ITGA6: variants seen among roughly 807,000 people sequenced by gnomAD.
The protein encoded by ITGA6 is integrin subunit alpha 6.
In ITGA6, 63 loss-of-function variants were observed where a neutral mutation model predicts 133.6. The observed-to-expected ratio is 0.47, with a 90% CI of 0.38 to 0.58. The LOEUF (loss-of-function observed/expected upper bound fraction) is 0.58. ITGA6 is among the 20% of genes least tolerant of loss of function. The pLI is 0.00. For synonymous variants in ITGA6, 434 were observed against 482.0 expected, an observed-to-expected ratio of 0.90 and a Z score of 1.30; for missense variants, 1,068 against 1,309.4, an observed-to-expected ratio of 0.82 and a Z score of 2.85.
chr2:172,492,796 G>T (rs971173122), intron 23 of ITGA6, among the ~76,000 whole-genome samples: 3 of 152,226 alleles, frequency 2.0e-5, no homozygotes, highest in Non-Finnish European at 4.4e-5. Flanking sequence ...TTATGGAAAT[G>T]TTCTGGCTTC....
intron 4 of ITGA6, among the ~76,000 whole-genome samples, chr2:172,470,632 A>G (rs557672216): frequency 6.6e-6 from 1 of 152,360 alleles, no homozygotes; most frequent in South Asian, 2.1e-4. Flanking sequence ...ATTACAGAGA[A>G]TGTAAAATAT....
At chr2:172,450,333 C>A (rs1684935784) in intron 1 of ITGA6, among the ~76,000 whole-genome samples, 1 of 152,138 alleles carries the variant, frequency 6.6e-6, no homozygotes, top group African/African-American at 2.4e-5. Flanking sequence ...TAGAAGCAAA[C>A]CAGTTAGAAT....
intron 1 of ITGA6, among the ~76,000 whole-genome samples, chr2:172,460,761 C>T (rs71415299): frequency 0.057 from 8,678 of 152,272 alleles, 356 homozygotes; most frequent in Middle Eastern, 0.099. Context: ...CCACATAATG[C>T]TACTTTCTAA....
intron 7 of ITGA6, 91 bp from the exon 8 acceptor site, chr2:172,475,503 AAAT>A: frequency 1.2e-6 from 1 of 826,232 alleles, no homozygotes; most frequent in Non-Finnish European, 2.1e-6. Context: ...CCAAACAAAT[AAAT>A]AATAGTGCTT....
intron 24 of ITGA6, 127 bp from the exon 25 acceptor site, chr2:172,501,645 G>A: frequency 2.4e-6 from 2 of 818,350 alleles, no homozygotes; most frequent in South Asian, 1.4e-5. Context: ...TTCATTGTTG[G>A]TTGACTGAAA....
intron 5 of ITGA6, among the ~76,000 whole-genome samples, chr2:172,471,744 T>TG (rs1419967187): frequency 3.9e-5 from 6 of 152,320 alleles, no homozygotes; most frequent in African/African-American, 1.4e-4. Flanking sequence ...GCATGACTAA[T>TG]GGGTGTCCTA....
chr2:172,450,295 T>G (rs1684933227), intron 1 of ITGA6, among the ~76,000 whole-genome samples: 1 of 152,180 alleles, frequency 6.6e-6, no homozygotes, highest in Non-Finnish European at 1.5e-5. Context: ...AGAACAGATG[T>G]GGAGGACGGG....
chr2:172,465,863 GCTC>G, intron 2 of ITGA6, 200 bp downstream of exon 2: 1 of 760,906 alleles, frequency 1.3e-6, no homozygotes, highest in Non-Finnish European at 2.2e-6. Flanking sequence ...GTGTTTTGCT[GCTC>G]CTCCTAACCG....
rs138138440 is a variant in ITGA6 at position 172,485,298 on chromosome 2, T to G, written c.1854+34T>G. 8.7e-6 allele frequency: 14 copies of G among 1,600,836 alleles called. No homozygotes were observed. In the African/African-American group the frequency reaches 1.7e-4, roughly 20 times the overall value. On this transcript the variant is annotated intron_variant, in intron 13 of 25. Coordinates refer to ENST00000684293, the MANE Select transcript of ITGA6 (RefSeq NM_000210.4). ...CTCTGACTTTCATTTTGCCAAAGTT[T>G]TTTTGCCATTTATGATGCTAAATCA...
chr2:172,501,643 T>C, intron 24 of ITGA6, 129 bp from the exon 25 acceptor site: 1 of 793,232 alleles, frequency 1.3e-6, no homozygotes, highest in East Asian at 2.6e-5. Context: ...TGTTCATTGT[T>C]GGTTGACTGA....
intron 1 of ITGA6, among the ~76,000 whole-genome samples, chr2:172,464,766 C>G (rs1685576188): frequency 6.6e-6 from 1 of 152,170 alleles, no homozygotes; most frequent in Non-Finnish European, 1.5e-5. Context: ...ATAAGTGGAG[C>G]TACACCAGTT....
At chr2:172,487,496 CACTGTGTGGCAAATGAGTGGA>C in intron 15 of ITGA6, 30 bp from the exon 16 acceptor site, 1 of 1,610,088 alleles carries the variant, frequency 6.2e-7, no homozygotes, top group Non-Finnish European at 8.5e-7. Context: ...AAAAAATCAA[CACTGTGTGGCAAATGAGTGGA>C]TTGTGACCTA....
intron 13 of ITGA6, among the ~76,000 whole-genome samples, chr2:172,486,195 A>AAAC (rs1559148210): frequency 1.1e-4 from 17 of 150,124 alleles, no homozygotes; most frequent in South Asian, 2.1e-4. Flanking sequence ...AAAAAAAAAA[A>AAAC]AACAACTAAT....
chr2:172,480,154 T>G, intron 11 of ITGA6, 103 bp downstream of exon 11: 1 of 734,344 alleles, frequency 1.4e-6, no homozygotes, highest in Non-Finnish European at 2.5e-6. Context: ...AACATGGGTC[T>G]GTCAATTCTG....
chr2:172,454,728 A>T (rs1685144876), intron 1 of ITGA6, among the ~76,000 whole-genome samples: 1 of 152,206 alleles, frequency 6.6e-6, no homozygotes, highest in African/African-American at 2.4e-5. Context: ...AGAAGGAATC[A>T]ACGTTGCTTA....
intron 1 of ITGA6, among the ~76,000 whole-genome samples, chr2:172,431,371 G>A (rs947607163): frequency 3.3e-5 from 5 of 152,136 alleles, no homozygotes; most frequent in African/African-American, 1.2e-4. Flanking sequence ...TAGAGAAATC[G>A]GCAAGCATCT....
chr2:172,427,822 C>T lies in ITGA6; in HGVS notation c.34C>T (p.Leu12=), dbSNP rs778313818. The change falls in exon 1 of 26, where the codon CTG becomes TTG. Residue 12 remains leucine, a synonymous_variant. Coordinates refer to ENST00000684293, the MANE Select transcript of ITGA6 (RefSeq NM_000210.4). ...CGCCGGGCAGCTGTGCTTGCTCTAC[C>T]TGTCGGCGGGGCTCCTGTCCCGGCT... ...AAAGQLCLLY[L]SAGLLSRLGA... 2 of 1,603,220 alleles carry T rather than the reference C, an allele frequency of 1.2e-6. No individual in the cohort carries two copies. The highest frequency in any genetic ancestry group is 1.7e-6 in the Non-Finnish European group (2 of 1,175,724).
chr2:172,469,450 T>A lies in ITGA6; in HGVS notation c.643+70T>A, dbSNP rs1033884591. ...TTCTGTAATATGATTTAGTACATTT[T>A]GAGCTAAAATGTGTTAGAAGACATT... On this transcript the variant is annotated intron_variant, in intron 4 of 25. Transcript: ENST00000684293. 182 of 767,014 alleles carry A rather than the reference T, an allele frequency of 2.4e-4. 1 individual carries two copies. The highest frequency in any genetic ancestry group is 2.8e-4 in the Non-Finnish European group (167 of 598,838). 47.5% of individuals were successfully genotyped at this position (767,014 alleles called of 1,614,324 possible).
At chr2:172,446,602 T>A (rs1684778247) in intron 1 of ITGA6, among the ~76,000 whole-genome samples, 1 of 152,198 alleles carries the variant, frequency 6.6e-6, no homozygotes, top group South Asian at 2.1e-4. Context: ...CTAGACTTGG[T>A]TTCTTGAAAG....
Sources: gnomAD v4.1 joint callset for allele counts (sites outside exome capture counted in the v4.1 genomes callset) on GRCh38, gnomAD v4.1.1 for gene constraint, MANE v1.5 for transcripts, NCBI Gene and HGNC (gene_info 2026-07-23, HGNC 2026-07-21) for gene names.